OPRM1: variants seen among roughly 807,000 people sequenced by gnomAD.
OPRM1 encodes mu-type opioid receptor.
Under a neutral mutation model 31.8 loss-of-function variants are expected in OPRM1, and 27 were observed. The ratio of observed to expected loss-of-function variants is 0.85; its 90% CI spans 0.63 to 1.17. The LOEUF (loss-of-function observed/expected upper bound fraction) is 1.17. Ranked by LOEUF, OPRM1 falls within the 50% of genes most tolerant of loss-of-function variation. The pLI is 0.00. For missense variants in OPRM1, 536 were observed against 511.1 expected, an observed-to-expected ratio of 1.05 and a Z score of -0.47; for synonymous variants, 196 against 189.9, an observed-to-expected ratio of 1.03 and a Z score of -0.26.
Position 154,123,527 on chromosome 6 carries a change from T to A in OPRM1, c.*4806T>A, listed in dbSNP as rs1230606552. ...CCTTTTCTTCTCCCTGAAAAGCAAG[T>A]TTATTAAGAAAGCAAAGGAATAAAG... On this transcript the variant is annotated 3_prime_UTR_variant, in exon 4 of 4. Coordinates refer to ENST00000330432, the MANE Select transcript of OPRM1 (RefSeq NM_000914.5). 2.0e-5 allele frequency among the ~76,000 whole-genome samples: 3 copies of A among 152,174 alleles called. No homozygotes were observed. The East Asian group carries it at 5.8e-4, about 29-fold the overall frequency.
At chr6:154,044,424 A>G (rs1780694310) in intron 1 of OPRM1, among the ~76,000 whole-genome samples, 1 of 152,168 alleles carries the variant, frequency 6.6e-6, no homozygotes, top group African/African-American at 2.4e-5. Flanking sequence ...CAGTAGGCCA[A>G]TGCTAGAAAA....
chr6:154,094,364 T>C (rs1316357602), intron 3 of OPRM1: 2 of 501,482 alleles, frequency 4.0e-6, no homozygotes, highest in South Asian at 1.5e-5. Context: ...AAAATAAGCT[T>C]AGAGTCATAC....
chr6:154,240,051 G>A (rs547268853), intron 3 of OPRM1, among the ~76,000 whole-genome samples: 1 of 152,258 alleles, frequency 6.6e-6, no homozygotes, highest in African/African-American at 2.4e-5. Context: ...TACGCTCAGA[G>A]GCTGGTTCTT....
intron 1 of OPRM1, among the ~76,000 whole-genome samples, chr6:154,077,049 A>T (rs1232111804): frequency 6.6e-6 from 1 of 152,158 alleles, no homozygotes; most frequent in Non-Finnish European, 1.5e-5. Context: ...TCCTCAATAG[A>T]TCTACAAGCC....
At chr6:154,228,243 A>T (rs1057020246) in intron 3 of OPRM1, among the ~76,000 whole-genome samples, 1 of 152,038 alleles carries the variant, frequency 6.6e-6, no homozygotes, top group East Asian at 1.9e-4. Context: ...AGGCAGAAAG[A>T]TCACTTGAGC....
At chr6:154,086,552 A>G (rs893356887) in intron 1 of OPRM1, 7 of 984,600 alleles carry the variant, frequency 7.1e-6, no homozygotes, top group Non-Finnish European at 8.4e-6. Context: ...TCCTTTCACC[A>G]TGTTGAACCC....
rs3070806 is a variant in OPRM1 at position 154,111,752 on chromosome 6, T to TTTTATTTA, written c.1165-6907_1165-6900dup. Among the ~76,000 whole-genome samples, 738 of 149,300 alleles carry TTTTATTTA rather than the reference T, an allele frequency of 4.9e-3. 9 individuals carry two copies. Among genetic ancestry groups the TTTTATTTA allele is most frequent in the African/African-American group, 0.017 (692 of 40,432 alleles). On this transcript the variant is annotated intron_variant, in intron 3 of 3. Transcript: ENST00000330432. ...ACTTCCTGGAAAAACTATAGTTTAT[T>TTTTATTTA]TTTATTTATTTATTTATTTATTTAT...
upstream of OPRM1, among the ~76,000 whole-genome samples, chr6:154,034,548 A>AAAAT (rs1047382380): frequency 1.3e-5 from 2 of 152,074 alleles, no homozygotes; most frequent in African/African-American, 2.4e-5. Context: ...ACTCTGTTTT[A>AAAAT]AAATAAATAA....
In OPRM1 at chr6:154,131,771, CT is replaced by C. The variant is rs990522799; in HGVS notation, c.*13051del. 1.2e-4 allele frequency among the ~76,000 whole-genome samples: 18 copies of C among 152,098 alleles called. No individual in the cohort carries two copies. Among genetic ancestry groups the C allele is most frequent in the African/African-American group, 2.4e-5 (1 of 41,408 alleles). On this transcript the variant is annotated 3_prime_UTR_variant, in exon 4 of 4. Transcript: ENST00000330432. The stretch of plus-strand genomic sequence containing the variant: ...CATGCTTTCTGTGTGTGTTTTTAAG[CT>C]CTTTCCCCACATCTGCTTTTCAAAA...
chr6:154,195,778 T>C (rs1470847510), intron 3 of OPRM1, among the ~76,000 whole-genome samples: 2 of 147,244 alleles, frequency 1.4e-5, no homozygotes, highest in East Asian at 2.1e-4. Flanking sequence ...ACCAGAATTG[T>C]ACCTTGTTCA....
chr6:154,170,202 G>A (rs1016119538), intron 3 of OPRM1, among the ~76,000 whole-genome samples: 2 of 152,148 alleles, frequency 1.3e-5, no homozygotes, highest in Non-Finnish European at 2.9e-5. Flanking sequence ...AAGAAAGCTT[G>A]GGAAAGAAAT....
intron 3 of OPRM1, chr6:154,158,499 T>C (rs1022055495): frequency 1.3e-5 from 2 of 152,228 alleles, no homozygotes; most frequent in Non-Finnish European, 2.9e-5. Context: ...ATAGAAAGGA[T>C]AATCTAAGAT....
At chr6:154,114,682 G>A (rs1796681081) in intron 3 of OPRM1, among the ~76,000 whole-genome samples, 1 of 151,998 alleles carries the variant, frequency 6.6e-6, no homozygotes, top group South Asian at 2.1e-4. Flanking sequence ...CACAATGTCT[G>A]TAACAGCCAG....
chr6:154,129,577 A>G lies in OPRM1; in HGVS notation c.*10856A>G, dbSNP rs1452599595. On this transcript the variant is annotated 3_prime_UTR_variant, in exon 4 of 4. Transcript: ENST00000330432. Reference sequence around the variant, plus strand: ...ACTGTTACAGAAAATCATAATGGAAAAACTAAAATGTCAATAATAATTTCA... The same window carrying G: ...ACTGTTACAGAAAATCATAATGGAAGAACTAAAATGTCAATAATAATTTCA... 1.3e-5 allele frequency among the ~76,000 whole-genome samples: 2 copies of G among 152,246 alleles called. No individual in the cohort carries two copies. The highest frequency in any genetic ancestry group is 4.8e-5 in the African/African-American group (2 of 41,468).
chr6:154,093,300 G>A lies in OPRM1; in HGVS notation c.1164+1828G>A, dbSNP rs769483780. On this transcript the variant is annotated intron_variant, in intron 3 of 3. Coordinates refer to ENST00000330432, the MANE Select transcript of OPRM1 (RefSeq NM_000914.5). ...ACCTATACCTTCCCTGTCTTGCTGG[G>A]CTCTAGAGCAAGGCTGCTTGGTTGT... 10 of 1,613,536 alleles carry A rather than the reference G, an allele frequency of 6.2e-6. No homozygotes were observed. In the Admixed American group the frequency reaches 1.2e-4, roughly 19 times the overall value.
chr6:154,077,645 C>A (rs147798090), intron 1 of OPRM1, among the ~76,000 whole-genome samples: 1 of 151,796 alleles, frequency 6.6e-6, no homozygotes, highest in East Asian at 2.0e-4. Context: ...GCAGGAGAAT[C>A]ATTTGAACCT....
chr6:154,038,163 GTTCC>G (rs1406116714), upstream of OPRM1, among the ~76,000 whole-genome samples: 6 of 152,230 alleles, frequency 3.9e-5, no homozygotes, highest in East Asian at 1.2e-3. Flanking sequence ...GGAATTAAAT[GTTCC>G]TTTCAAGATC....
chr6:154,205,907 T>G (rs1009437045), intron 3 of OPRM1, among the ~76,000 whole-genome samples: 32 of 152,094 alleles, frequency 2.1e-4, no homozygotes, highest in African/African-American at 7.7e-4. Context: ...AGCAGACCCT[T>G]CGGAAACTCA....
At chr6:154,240,195 T>C (rs1217953253) in intron 3 of OPRM1, among the ~76,000 whole-genome samples, 1 of 152,230 alleles carries the variant, frequency 6.6e-6, no homozygotes, top group East Asian at 1.9e-4. Flanking sequence ...TAATTGATAA[T>C]TAAGTAATGT....
Sources: allele counts gnomAD v4.1 joint callset (sites outside exome capture counted in the v4.1 genomes callset), GRCh38; gene constraint gnomAD v4.1.1; transcripts MANE v1.5; gene names NCBI Gene and HGNC (gene_info 2026-07-23, HGNC 2026-07-21).